The following TMEM181 variants were observed in gnomAD, a reference collection of about 807,000 sequenced individuals.
TMEM181 encodes the protein G protein-coupled receptor 178.
In TMEM181, 39 loss-of-function variants were observed where a neutral mutation model predicts 71.9. The observed-to-expected ratio is 0.54, with a 90% CI of 0.42 to 0.71. The LOEUF (loss-of-function observed/expected upper bound fraction) is 0.71. Ranked by LOEUF, TMEM181 falls within the 30% of genes least tolerant of loss-of-function variation. The probability of loss-of-function intolerance (pLI) is 0.00; values close to 1 mark genes in which losing one functional copy is unlikely to be tolerated. For missense variants in TMEM181, 595 were observed against 583.0 expected (o/e 1.02, Z -0.21); for synonymous variants, 245 against 228.8 (o/e 1.07, Z -0.64).
intron 6 of TMEM181, among the ~76,000 whole-genome samples, chr6:158,597,589 C>G (rs1784448950): frequency 6.6e-6 from 1 of 152,308 alleles, no homozygotes; most frequent in African/African-American, 2.4e-5. Flanking sequence ...CAGTATCAAC[C>G]TCCCAGCCTC....
intron 4 of TMEM181, among the ~76,000 whole-genome samples, chr6:158,584,651 G>C (rs185523162): frequency 6.6e-6 from 1 of 152,300 alleles, no homozygotes; most frequent in East Asian, 1.9e-4. Context: ...TTTCTGTTCT[G>C]TGCCTCACAT....
chr6:158,619,446 C>T (rs2128325202), intron 10 of TMEM181, among the ~76,000 whole-genome samples: 1 of 152,308 alleles, frequency 6.6e-6, no homozygotes, highest in Admixed American at 6.5e-5. Context: ...GAACATCCTC[C>T]TTTAGCTCGG....
intron 6 of TMEM181, among the ~76,000 whole-genome samples, chr6:158,599,954 C>G (rs1457581360): frequency 6.6e-6 from 1 of 152,106 alleles, no homozygotes; most frequent in Admixed American, 6.6e-5. Context: ...ATGGCTTTTC[C>G]CGGAACCAGG....
rs1236251960 is a variant in TMEM181 at position 158,551,023 on chromosome 6, C to A, written c.131+14158C>A. On this transcript the variant is annotated intron_variant, in intron 1 of 16. Transcript: ENST00000367090. ...GTTGCCAAGCTGGAGTGCAGTGGTG[C>A]AATCTCGGCTCACTGCAAATTCCAA... Among the ~76,000 whole-genome samples, 4 of 146,690 alleles carry A rather than the reference C, an allele frequency of 2.7e-5. No homozygotes were observed. In the Admixed American group the frequency reaches 2.7e-4, roughly 10 times the overall value.
At chr6:158,567,320 G>T (rs940270743) in intron 1 of TMEM181, among the ~76,000 whole-genome samples, 5 of 152,234 alleles carry the variant, frequency 3.3e-5, no homozygotes, top group African/African-American at 1.2e-4. Context: ...GAAGCATGGA[G>T]CCCCTTGCCT....
rs757794591 is a variant in TMEM181 at position 158,625,223 on chromosome 6, G to T, written c.1057+17G>T. ...CTTATGTGGGTAAGTGCTCCTTTCA[G>T]AATCGGTGCAGGGGTGGCTTGGGAG... On this transcript the variant is annotated intron_variant, in intron 12 of 16. Transcript: ENST00000684151. The T allele has an allele frequency of 1.2e-6, 2 of 1,610,762 alleles. No individual in the cohort carries two copies. The highest frequency in any genetic ancestry group is 3.3e-5 in the Admixed American group (2 of 60,016).
intron 1 of TMEM181, among the ~76,000 whole-genome samples, chr6:158,570,115 G>T (rs1042391926): frequency 6.6e-6 from 1 of 151,646 alleles, no homozygotes; most frequent in Non-Finnish European, 1.5e-5. Flanking sequence ...TGGCTGCCCC[G>T]GGGGACGGGA....
At chr6:158,590,986 T>G (rs757938734) in intron 6 of TMEM181, among the ~76,000 whole-genome samples, 2 of 152,226 alleles carry the variant, frequency 1.3e-5, no homozygotes, top group Non-Finnish European at 1.5e-5. Context: ...CTGCTTTCAC[T>G]TAGCGTGATG....
In TMEM181 at chr6:158,562,446, T is replaced by TGTGTG. The variant is rs1554302346; in HGVS notation, c.8+2214_8+2215insGTGTG. Reference sequence around the variant, plus strand: ...TCTGCAAATTTAAATAAGGCTGTTTTTGTGTGTGTGTGTGTGTGTGTGTGT... The same window carrying TGTGTG: ...TCTGCAAATTTAAATAAGGCTGTTTTGTGTGTGTGTGTGTGTGTGTGTGTGTGTGT... On this transcript the variant is annotated intron_variant, in intron 1 of 16. Transcript: ENST00000684151. Among the ~76,000 whole-genome samples the TGTGTG allele has an allele frequency of 1.5e-4, 21 of 141,190 alleles. No individual in the cohort carries two copies. The South Asian group carries it at 3.3e-3, about 22-fold the overall frequency. The allele number at this position is 141,190 out of a possible 152,430, so 92.6% of individuals were successfully genotyped here.
intron 1 of TMEM181, among the ~76,000 whole-genome samples, chr6:158,542,131 C>T (rs7756790): frequency 0.22 from 33,724 of 151,328 alleles, 4,184 homozygotes; most frequent in African/African-American, 0.29. Flanking sequence ...GGTCTCGAAC[C>T]CCTGACCTCA....
chr6:158,626,814 A>ATG (rs1562315578), intron 13 of TMEM181: 117 of 449,772 alleles, frequency 2.6e-4, no homozygotes, highest in South Asian at 3.1e-4. Context: ...CAACTGACCC[A>ATG]CCCTCACACA....
upstream of TMEM181, among the ~76,000 whole-genome samples, chr6:158,557,685 T>C (rs1466860717): frequency 6.6e-6 from 1 of 152,104 alleles, no homozygotes; most frequent in African/African-American, 2.4e-5. Flanking sequence ...GCCCAGCTAA[T>C]TTTTGTATTT....
Position 158,598,020 on chromosome 6 carries a change from ACACCCGTTGC to A in TMEM181, c.493-7243_493-7234del. The stretch of plus-strand genomic sequence containing the variant: ...TTACTCTTTGGAATACGTCGTGCCC[ACACCCGTTGC>A]CACGTTCAGGCCATGAGACCACTCA... On this transcript the variant is annotated intron_variant, in intron 6 of 16. Coordinates refer to ENST00000684151, the MANE Select transcript of TMEM181 (RefSeq NM_001376852.1). 2.0e-5 allele frequency among the ~76,000 whole-genome samples: 3 copies of A among 152,218 alleles called. No individual in the cohort carries two copies. The Middle Eastern group carries it at 0.01, about 518-fold the overall frequency.
intron 2 of TMEM181, among the ~76,000 whole-genome samples, chr6:158,577,698 T>C (rs1010248406): frequency 2.6e-5 from 4 of 152,172 alleles, no homozygotes; most frequent in Non-Finnish European, 5.9e-5. Flanking sequence ...AGAGAGTGAC[T>C]CATCACATAC....
intron 4 of TMEM181, 148 bp downstream of exon 4, chr6:158,584,192 A>G (rs1194236286): frequency 2.9e-6 from 2 of 682,152 alleles, no homozygotes; most frequent in Non-Finnish European, 4.6e-6. Flanking sequence ...AACAAATTGG[A>G]AACCCCTTAA....
intron 1 of TMEM181, among the ~76,000 whole-genome samples, chr6:158,562,625 C>T (rs1230583495): frequency 3.9e-5 from 6 of 152,154 alleles, no homozygotes; most frequent in Non-Finnish European, 7.3e-5. Context: ...TGGAGCCCTG[C>T]TGTGGTTTCA....
At chr6:158,551,105 A>G (rs978832627) in intron 1 of TMEM181, among the ~76,000 whole-genome samples, 1 of 151,864 alleles carries the variant, frequency 6.6e-6, no homozygotes, top group Non-Finnish European at 1.5e-5. Flanking sequence ...GACTGCAGGC[A>G]TGCACCACCA....
Position 158,588,114 on chromosome 6 carries a change from C to G in TMEM181, c.382-1558C>G, listed in dbSNP as rs146537613. On this transcript the variant is annotated intron_variant, in intron 5 of 16. Transcript: ENST00000684151. Reference sequence around the variant, plus strand: ...AGAGCTGATCAGGTGGAAAGGAAGCCTTGGCTTCCCTTTCCAATGTGATGA... The same window carrying G: ...AGAGCTGATCAGGTGGAAAGGAAGCGTTGGCTTCCCTTTCCAATGTGATGA... 2.6e-5 allele frequency among the ~76,000 whole-genome samples: 4 copies of G among 152,356 alleles called. No individual in the cohort carries two copies. The East Asian group carries it at 7.7e-4, about 29-fold the overall frequency.
Position 158,629,730 on chromosome 6 carries a change from C to T in TMEM181, c.1193C>T (p.Ser398Leu). 4 of 1,605,114 alleles carry T rather than the reference C, an allele frequency of 2.5e-6. No homozygotes were observed. Among genetic ancestry groups the T allele is most frequent in the Non-Finnish European group, 3.4e-6 (4 of 1,175,108 alleles). The stretch of plus-strand genomic sequence containing the variant: ...GCGTTCCTTCCCTTGACAGCACCAC[C>T]AGCCGAGTTCTTATCTTTCTATGGC... Reference protein sequence around the residue: ...VAELSTHYQNSAEFLSFYGLL... With the variant: ...VAELSTHYQNLAEFLSFYGLL... Residue 398 changes from serine to leucine, a missense_variant and splice_region_variant, in exon 15 of 17, where the codon TCA becomes TTA. Physicochemically the swap from Ser to Leu is moderately radical, Grantham distance 145. Coordinates refer to ENST00000684151, the MANE Select transcript of TMEM181 (RefSeq NM_001376852.1).
Sources: allele counts gnomAD v4.1 joint callset (sites outside exome capture counted in the v4.1 genomes callset), GRCh38; gene constraint gnomAD v4.1.1; transcripts MANE v1.5; gene names NCBI Gene and HGNC (gene_info 2026-07-23, HGNC 2026-07-21).